Variants in XXYLT1 observed in about 807,000 individuals in gnomAD.
The protein encoded by XXYLT1 is UDP-xylose:alpha-xyloside alpha-1,3-xylosyltransferase.
In XXYLT1, 20 loss-of-function variants were observed where a neutral mutation model predicts 28.9. That is an observed-to-expected ratio of 0.69 (90% confidence interval 0.49 to 1.00). The LOEUF is 1.00. Among genes scored for constraint, XXYLT1 ranks in the 50% least tolerant of loss-of-function variants. XXYLT1 has a pLI of 0.00. For synonymous variants in XXYLT1, 257 were observed against 253.8 expected (o/e 1.01, Z -0.12); for missense variants, 542 against 560.1 (o/e 0.97, Z 0.33).
chr3:195,167,348 T>C (rs1721179794), intron 2 of XXYLT1, among the ~76,000 whole-genome samples: 2 of 152,156 alleles, frequency 1.3e-5, no homozygotes, highest in Non-Finnish European at 2.9e-5. Context: ...CTCAACACTT[T>C]GGGAGGCCGA....
chr3:195,162,853 C>T (rs560293415), intron 2 of XXYLT1, among the ~76,000 whole-genome samples: 6 of 152,302 alleles, frequency 3.9e-5, no homozygotes, highest in African/African-American at 1.4e-4. Flanking sequence ...TGATGGCTTA[C>T]GCACGGATTG....
chr3:195,184,764 A>C (rs975904088), intron 2 of XXYLT1: 1 of 985,300 alleles, frequency 1.0e-6, no homozygotes, highest in African/African-American at 1.7e-5. Context: ...TATTCCAGGG[A>C]ACTTAGCATT....
chr3:195,265,230 C>T (rs1254248830), intron 1 of XXYLT1, among the ~76,000 whole-genome samples: 2 of 151,802 alleles, frequency 1.3e-5, no homozygotes, highest in African/African-American at 4.8e-5. Flanking sequence ...ATTATGTGGG[C>T]GTAGTGGCAG....
chr3:195,175,728 T>G, intron 2 of XXYLT1: 1 of 1,535,376 alleles, frequency 6.5e-7, no homozygotes, highest in Non-Finnish European at 8.7e-7. Flanking sequence ...AACTCTGGAC[T>G]GTAGCAGTGA....
chr3:195,247,035 G>T (rs1238349656), intron 1 of XXYLT1, among the ~76,000 whole-genome samples: 1 of 152,202 alleles, frequency 6.6e-6, no homozygotes, highest in African/African-American at 2.4e-5. Context: ...TCCTTGCACA[G>T]TGGGTAGAAG....
intron 3 of XXYLT1, among the ~76,000 whole-genome samples, chr3:195,101,808 AG>A (rs1413653761): frequency 2.2e-5 from 3 of 136,818 alleles, no homozygotes; most frequent in African/African-American, 5.3e-5. Flanking sequence ...TGAAAAAAAA[AG>A]GGGAGAGGGG....
At chr3:195,221,805 A>C (rs1317874388) in intron 2 of XXYLT1, among the ~76,000 whole-genome samples, 1 of 152,072 alleles carries the variant, frequency 6.6e-6, no homozygotes, top group African/African-American at 2.4e-5. Flanking sequence ...CCACAGACAA[A>C]TGGAAATAAA....
chr3:195,236,560 C>A (rs896082613), intron 1 of XXYLT1, among the ~76,000 whole-genome samples: 2 of 151,810 alleles, frequency 1.3e-5, no homozygotes, highest in African/African-American at 2.4e-5. Context: ...GAACTGGGGA[C>A]CCCAAGGGCC....
chr3:195,139,820 G>C (rs1003841705), intron 3 of XXYLT1, among the ~76,000 whole-genome samples: 1 of 152,220 alleles, frequency 6.6e-6, no homozygotes, highest in Non-Finnish European at 1.5e-5. Flanking sequence ...CCCTCACAGA[G>C]TTGGGGTGGG....
chr3:195,122,521 G>A (rs1054407153), intron 3 of XXYLT1, among the ~76,000 whole-genome samples: 3 of 151,970 alleles, frequency 2.0e-5, no homozygotes, highest in African/African-American at 7.2e-5. Context: ...GTCTAGCTGA[G>A]AAGTCCAGCT....
rs76505162 is a variant in XXYLT1 at position 195,070,954 on chromosome 3, A to G, written c.786-843T>C. Among the ~76,000 whole-genome samples, 1,164 of 152,342 alleles carry G rather than the reference A, an allele frequency of 7.6e-3. 15 individuals carry two copies. Among genetic ancestry groups the G allele is most frequent in the African/African-American group, 0.027 (1,137 of 41,582 alleles). On this transcript the variant is annotated intron_variant, in intron 3 of 3. Transcript: ENST00000310380. ...AGTTCAGGGAGTGTTAGCCTCTTCT[A>G]GGTCCTCTACCCAAATGCTTCCATC...
intron 1 of XXYLT1, chr3:195,247,768 TCA>T: frequency 1.4e-6 from 1 of 702,154 alleles, no homozygotes; most frequent in South Asian, 1.5e-5. Flanking sequence ...TTTGATGGAC[TCA>T]CAGTTCTGCC....
At chr3:195,093,254 A>G (rs1482623716) in intron 3 of XXYLT1, among the ~76,000 whole-genome samples, 15 of 93,734 alleles carry the variant, frequency 1.6e-4, no homozygotes, top group African/African-American at 7.2e-4. Flanking sequence ...GGCATTATTC[A>G]CAATAGCAAA....
intron 1 of XXYLT1, among the ~76,000 whole-genome samples, chr3:195,238,471 G>T (rs563961811): frequency 6.6e-6 from 1 of 152,194 alleles, no homozygotes; most frequent in Non-Finnish European, 1.5e-5. Flanking sequence ...GGCAGAGGCC[G>T]TGACTGCTCT....
intron 2 of XXYLT1, among the ~76,000 whole-genome samples, chr3:195,223,993 C>A (rs898908502): frequency 2.0e-5 from 3 of 152,012 alleles, no homozygotes; most frequent in African/African-American, 7.2e-5. Context: ...TCCGTCTCTA[C>A]TAAAAATACA....
chr3:195,136,803 C>T (rs559134602), intron 3 of XXYLT1, among the ~76,000 whole-genome samples: 1 of 152,212 alleles, frequency 6.6e-6, no homozygotes, highest in Admixed American at 6.5e-5. Context: ...ATGGAGACTT[C>T]AGCCTGGACA....
chr3:195,115,659 G>A lies in XXYLT1; in HGVS notation c.785+40790C>T, dbSNP rs773501370. Among the ~76,000 whole-genome samples, 6 of 152,178 alleles carry A rather than the reference G, an allele frequency of 3.9e-5. No individual in the cohort carries two copies. The highest frequency in any genetic ancestry group is 3.9e-4 in the East Asian group (2 of 5,194). On this transcript the variant is annotated intron_variant, in intron 3 of 3. Coordinates refer to ENST00000310380, the MANE Select transcript of XXYLT1 (RefSeq NM_152531.5). This position sits in a 1 kb window ranked among gnomAD's most constrained non-coding sequence, Gnocchi z 4.2. ...CAGGACGACTCCCTTCATCTGGTGC[G>A]GAGCAGTAACCCCCTCGTCTGGCTC...
At chr3:195,220,556 G>A (rs1234447833) in intron 2 of XXYLT1, among the ~76,000 whole-genome samples, 1 of 152,144 alleles carries the variant, frequency 6.6e-6, no homozygotes, top group Non-Finnish European at 1.5e-5. Flanking sequence ...AGCTCTGTCC[G>A]ATCCTGAGCC....
chr3:195,112,583 G>GCACA (rs111315795), intron 3 of XXYLT1, among the ~76,000 whole-genome samples: 2 of 133,396 alleles, frequency 1.5e-5, no homozygotes, highest in African/African-American at 5.5e-5. Context: ...ACACACGCAC[G>GCACA]CACACACACA....
Sources: allele counts gnomAD v4.1 joint callset (sites outside exome capture counted in the v4.1 genomes callset), GRCh38; gene constraint gnomAD v4.1.1; non-coding constraint Gnocchi (gnomAD v3.1); transcripts MANE v1.5; gene names NCBI Gene and HGNC (gene_info 2026-07-23, HGNC 2026-07-21).